Variants in RREB1 observed in about 807,000 individuals in gnomAD.
RREB1 encodes the protein ras responsive element binding protein 1.
In RREB1, 27 loss-of-function variants were observed where a neutral mutation model predicts 117.8. That is an observed-to-expected ratio of 0.23 (90% CI 0.17 to 0.32). The LOEUF is 0.32. Ranked by LOEUF, RREB1 falls within the 10% of genes least tolerant of loss-of-function variation. The pLI is 1.00. For missense variants in RREB1, 2,577 were observed against 2,378.2 expected (o/e 1.08, Z -1.74); for synonymous variants, 1,298 against 1,026.7 (o/e 1.26, Z -5.05).
chr6:7,231,858 G>C lies in RREB1; in HGVS notation c.3759G>C (p.Arg1253=), dbSNP rs762293965. 1 of 1,613,318 alleles carries C rather than the reference G, an allele frequency of 6.2e-7. No homozygotes were observed. The highest frequency in any genetic ancestry group is 8.5e-7 in the Non-Finnish European group (1 of 1,179,846). Residue 1253 remains arginine (R), a synonymous_variant, in exon 10 of 13, where the codon CGG becomes CGC. Transcript: ENST00000379938. The part of the protein sequence containing the change: ...LQKITCPHCP[R]VFPWASSLQR... ...AGATCACCTGTCCCCACTGTCCCCG[G>C]GTTTTCCCTTGGGCCAGCTCCCTAC... is the stretch of plus-strand genomic sequence containing the variant.
At position 7,201,494 on chromosome 6, in the gene RREB1, TCC is replaced by T. The variant is rs11352594; in HGVS notation, c.426-9300_426-9299del. Among the ~76,000 whole-genome samples the T allele has an allele frequency of 1.5e-4, 17 of 115,260 alleles. 1 individual carries two copies. Among genetic ancestry groups the T allele is most frequent in the African/African-American group, 4.4e-4 (13 of 29,522 alleles). 75.6% of individuals were successfully genotyped at this position (115,260 alleles called of 152,430 possible). On this transcript the variant is annotated intron_variant, in intron 6 of 12. Coordinates refer to ENST00000379938, the MANE Select transcript of RREB1 (RefSeq NM_001003699.4). Reference sequence around the variant, plus strand: ...AGGAAGGTGATTAGTGGCAACATTGTCCCCCCCCCCCAACCCCCATCCCACCC... The same window carrying T: ...AGGAAGGTGATTAGTGGCAACATTGTCCCCCCCCCAACCCCCATCCCACCC...
chr6:7,123,722 T>C (rs1286337564), intron 1 of RREB1, among the ~76,000 whole-genome samples: 1 of 147,200 alleles, frequency 6.8e-6, no homozygotes, highest in Non-Finnish European at 1.5e-5. Flanking sequence ...ACCATTCTCC[T>C]GCCTCAGCCT....
In RREB1 at chr6:7,126,293, C is replaced by T. The variant is rs1044782804; in HGVS notation, c.-285+18233C>T. ...GGGATTACAGGCGTGAGCCACTGCG[C>T]CCGGCCTCGATTCCCCCCCGACCCA... On this transcript the variant is annotated intron_variant, in intron 1 of 12. Transcript: ENST00000379938. 1.3e-3 allele frequency among the ~76,000 whole-genome samples: 196 copies of T among 152,040 alleles called. 1 individual carries two copies. The highest frequency in any genetic ancestry group is 2.0e-3 in the Non-Finnish European group (139 of 67,966).
At chr6:7,162,825 T>C (rs1242310816) in intron 1 of RREB1, among the ~76,000 whole-genome samples, 1 of 151,670 alleles carries the variant, frequency 6.6e-6, no homozygotes, top group African/African-American at 2.4e-5. Context: ...TCCCCTTTAT[T>C]TTATTTTATT....
intron 6 of RREB1, among the ~76,000 whole-genome samples, chr6:7,191,089 A>G (rs1000879287): frequency 1.3e-5 from 2 of 152,236 alleles, no homozygotes; most frequent in African/African-American, 2.4e-5. Context: ...AAACACAGCT[A>G]TAAAAGGCGT....
chr6:7,164,447 T>C (rs1381969699), intron 1 of RREB1, among the ~76,000 whole-genome samples: 1 of 152,226 alleles, frequency 6.6e-6, no homozygotes, highest in African/African-American at 2.4e-5. Flanking sequence ...GGTAAATGTC[T>C]GATTTAATCA....
chr6:7,142,515 G>C (rs1425933438), intron 1 of RREB1, among the ~76,000 whole-genome samples: 1 of 152,260 alleles, frequency 6.6e-6, no homozygotes. Flanking sequence ...CCATCAGGCT[G>C]TTCCGGTGGC....
Position 7,187,143 on chromosome 6 carries a change from A to G in RREB1, c.172-291A>G, listed in dbSNP as rs532485670. ...GTGGTGTCTGTGTAATTAGAATGCT[A>G]GTATTGATTGAGTACTGACTATGAT... On this transcript the variant is annotated intron_variant, in intron 4 of 12. Transcript: ENST00000379938. Among the ~76,000 whole-genome samples the G allele has an allele frequency of 2.0e-5, 3 of 152,366 alleles. No homozygotes were observed. In the East Asian group the frequency reaches 5.8e-4, roughly 29 times the overall value.
Position 7,249,097 on chromosome 6 carries a change from GA to G in RREB1, c.*130del, listed in dbSNP as rs1769295209. ...AGAGAGAGAGAGAGAGAGAGAGAGA[GA>G]GAGAGACAAGCAGGAGCGTGGCTGC... On this transcript the variant is annotated 3_prime_UTR_variant, in exon 13 of 13. Transcript: ENST00000379938. The G allele has an allele frequency of 1.5e-6, 1 of 670,694 alleles. No homozygotes were observed. The highest frequency in any genetic ancestry group is 3.3e-5 in the Admixed American group (1 of 30,518). 41.5% of individuals were successfully genotyped at this position (670,694 alleles called of 1,614,324 possible).
chr6:7,235,757 A>G (rs538114361), intron 10 of RREB1, among the ~76,000 whole-genome samples: 1 of 152,114 alleles, frequency 6.6e-6, no homozygotes, highest in East Asian at 1.9e-4. Context: ...TACTGTCTCT[A>G]CTTTGTCTCA....
At chr6:7,200,803 G>GT (rs1174989200) in intron 6 of RREB1, among the ~76,000 whole-genome samples, 1 of 152,130 alleles carries the variant, frequency 6.6e-6, no homozygotes, top group African/African-American at 2.4e-5. Context: ...TTCATAATTA[G>GT]TTTTTTATCA....
chr6:7,109,597 G>C (rs1312596244), intron 1 of RREB1, among the ~76,000 whole-genome samples: 1 of 152,236 alleles, frequency 6.6e-6, no homozygotes, highest in Non-Finnish European at 1.5e-5. Flanking sequence ...CGTGCAGCTC[G>C]CGCCCCTCGG....
Position 7,236,115 on chromosome 6 carries a change from C to T in RREB1, c.3808+4208C>T, listed in dbSNP as rs550416998. ...CCACTCCATAGGAGACAAGAGTGCA[C>T]TGTTCCTGCCTTTACCCCTCGGGAG... On this transcript the variant is annotated intron_variant, in intron 10 of 12. Coordinates refer to ENST00000379938, the MANE Select transcript of RREB1 (RefSeq NM_001003699.4). Among the ~76,000 whole-genome samples the T allele has an allele frequency of 2.0e-5, 3 of 152,282 alleles. No individual in the cohort carries two copies. The East Asian group carries it at 5.8e-4, about 29-fold the overall frequency.
chr6:7,146,871 G>C (rs1762890052), intron 1 of RREB1, among the ~76,000 whole-genome samples: 1 of 150,384 alleles, frequency 6.6e-6, no homozygotes, highest in African/African-American at 2.4e-5. Flanking sequence ...ATTCTAGTTT[G>C]TCTGGCACTC....
Position 7,229,254 on chromosome 6 carries a change from G to C in RREB1, c.1155G>C (p.Pro385=). 1 of 1,614,028 alleles carries C rather than the reference G, an allele frequency of 6.2e-7. No individual in the cohort carries two copies. Among genetic ancestry groups the C allele is most frequent in the Non-Finnish European group, 8.5e-7 (1 of 1,179,990 alleles). The change falls in exon 10 of 13, where the codon CCG becomes CCC. Residue 385 remains proline (P), a synonymous_variant. Transcript: ENST00000379938. This position sits in a 1 kb window ranked among gnomAD's most constrained non-coding sequence, Gnocchi z 4.5. The part of the protein sequence containing the change: ...VRPAPAEEPL[P]DDNQAIQLQT... ...CTGCCCCCGCCGAGGAGCCCCTGCC[G>C]GATGACAACCAGGCAATTCAGCTCC...
intron 7 of RREB1, among the ~76,000 whole-genome samples, 181 bp downstream of exon 7, chr6:7,211,129 G>A (rs957408618): frequency 3.3e-5 from 5 of 152,212 alleles, no homozygotes; most frequent in Non-Finnish European, 7.3e-5. Flanking sequence ...ACTTCCTCTT[G>A]AGCCCCTCTG....
intron 5 of RREB1, among the ~76,000 whole-genome samples, chr6:7,188,213 G>T (rs924590656): frequency 2.3e-5 from 3 of 129,908 alleles, no homozygotes; most frequent in African/African-American, 5.6e-5. Context: ...AAATAGAATC[G>T]CTCCCCCCCA....
chr6:7,117,409 T>G lies in RREB1; in HGVS notation c.-285+9349T>G, dbSNP rs1422762084. Among the ~76,000 whole-genome samples, 24 of 131,682 alleles carry G rather than the reference T, an allele frequency of 1.8e-4. 1 individual carries two copies. The South Asian group carries it at 3.6e-3, about 20-fold the overall frequency. 86.4% of individuals were successfully genotyped at this position (131,682 alleles called of 152,430 possible). ...TCCTGTTTTTTTTTTTTTTTTTTTT[T>G]TTTTTTTTTTTTTTTTGAGACGAAG... On this transcript the variant is annotated intron_variant, in intron 1 of 12. Coordinates refer to ENST00000379938, the MANE Select transcript of RREB1 (RefSeq NM_001003699.4).
At chr6:7,246,264 G>C (rs1035264475) in intron 11 of RREB1, among the ~76,000 whole-genome samples, 160 bp from the exon 12 acceptor site, 2 of 152,196 alleles carry the variant, frequency 1.3e-5, no homozygotes, top group African/African-American at 4.8e-5. Flanking sequence ...TGGTCCTCCT[G>C]GGGGATGTAA....
Sources: gnomAD v4.1 joint callset for allele counts (sites outside exome capture counted in the v4.1 genomes callset) on GRCh38, gnomAD v4.1.1 for gene constraint, Gnocchi (gnomAD v3.1) non-coding constraint, MANE v1.5 for transcripts, NCBI Gene and HGNC (gene_info 2026-07-23, HGNC 2026-07-21) for gene names.